Variants in ANKRD13C observed in about 807,000 individuals in gnomAD.
ANKRD13C encodes ankyrin repeat domain-containing protein 13C.
ANKRD13C carries 16 observed loss-of-function variants against 65.5 expected under a neutral mutation model. The observed-to-expected ratio is 0.24, with a 90% CI of 0.17 to 0.37. ANKRD13C has a LOEUF of 0.37. Among genes scored for constraint, ANKRD13C ranks in the 10% least tolerant of loss-of-function variants. The pLI, the probability that ANKRD13C is intolerant of heterozygous loss-of-function variation, is 1.00. For missense variants in ANKRD13C, 503 were observed against 655.9 expected, an observed-to-expected ratio of 0.77 and a Z score of 2.55; for synonymous variants, 235 against 238.7, an observed-to-expected ratio of 0.98 and a Z score of 0.14.
At chr1:70,306,047 A>G in intron 6 of ANKRD13C, 177 bp downstream of exon 6, 1 of 350,888 alleles carries the variant, frequency 2.8e-6, no homozygotes, top group Admixed American at 4.7e-5. Flanking sequence ...TAAAAAAATA[A>G]AAAAAGGTTC....
At chr1:70,264,763 C>A (rs1411480405) in intron 12 of ANKRD13C, among the ~76,000 whole-genome samples, 2 of 152,062 alleles carry the variant, frequency 1.3e-5, no homozygotes, top group Middle Eastern at 3.4e-3. Context: ...GAGGGTCAGA[C>A]AACAAATAAA....
Position 70,354,627 on chromosome 1 carries a change from T to A in ANKRD13C, c.-219A>T. The A allele has an allele frequency of 8.8e-7, 1 of 1,131,936 alleles. No individual in the cohort carries two copies. Among genetic ancestry groups the A allele is most frequent in the Non-Finnish European group, 1.2e-6 (1 of 824,886 alleles). 70.1% of individuals were successfully genotyped at this position (1,131,936 alleles called of 1,614,324 possible). A position where few individuals can be genotyped will look rare whatever the true frequency, so the allele number is the denominator to read the frequency against. On this transcript the variant is annotated 5_prime_UTR_variant, in exon 1 of 13. Transcript: ENST00000370944. Reference sequence around the variant, plus strand: ...CGCGCTCGCTGGGGGAAGCTAGAACTCAGGTGCCCACGACACCAGGATCTC... The same window carrying A: ...CGCGCTCGCTGGGGGAAGCTAGAACACAGGTGCCCACGACACCAGGATCTC...
At chr1:70,326,326 T>C (rs1287951112) in intron 2 of ANKRD13C, among the ~76,000 whole-genome samples, 1 of 149,332 alleles carries the variant, frequency 6.7e-6, no homozygotes, top group Admixed American at 6.7e-5. Context: ...ATGTCCATTA[T>C]ATGCAATTTC....
chr1:70,296,634 C>T (rs2101302151), intron 7 of ANKRD13C, among the ~76,000 whole-genome samples: 1 of 152,058 alleles, frequency 6.6e-6, no homozygotes, highest in Admixed American at 6.6e-5. Flanking sequence ...GAGAAAAAAA[C>T]CCAGATAAAG....
rs568491980 is a variant in ANKRD13C, at chr1:70,288,559, A to G, written c.1215+3829T>C. 2.6e-5 allele frequency among the ~76,000 whole-genome samples: 4 copies of G among 152,392 alleles called. No homozygotes were observed. In the East Asian group the frequency reaches 5.8e-4, roughly 22 times the overall value. On this transcript the variant is annotated intron_variant, in intron 9 of 12. Coordinates refer to ENST00000370944, the MANE Select transcript of ANKRD13C (RefSeq NM_030816.5). ...CCATGAAATACTACTCAACAAAAAA[A>G]GAACAAACTATTGATACATACAACT...
At chr1:70,307,533 CCAG>C (rs1680639052) in intron 5 of ANKRD13C, among the ~76,000 whole-genome samples, 1 of 152,150 alleles carries the variant, frequency 6.6e-6, no homozygotes, top group African/African-American at 2.4e-5. Context: ...AAAATGACTT[CCAG>C]CACTGAAAAC....
chr1:70,329,065 C>A (rs1295035012), intron 2 of ANKRD13C, among the ~76,000 whole-genome samples: 1 of 149,376 alleles, frequency 6.7e-6, no homozygotes, highest in East Asian at 2.0e-4. Flanking sequence ...TGAAAACAAA[C>A]AAAGTCCCTG....
intron 11 of ANKRD13C, among the ~76,000 whole-genome samples, chr1:70,271,408 A>G (rs946257337): frequency 2.0e-5 from 3 of 152,194 alleles, no homozygotes; most frequent in Admixed American, 2.0e-4. Context: ...TTAGCATTCT[A>G]TATCATATTA....
intron 5 of ANKRD13C, among the ~76,000 whole-genome samples, chr1:70,310,401 A>C (rs1382753979): frequency 6.6e-6 from 1 of 152,238 alleles, no homozygotes; most frequent in East Asian, 1.9e-4. Context: ...AGAATTATAC[A>C]TGACATCTAA....
chr1:70,285,816 G>T (rs532827255), intron 9 of ANKRD13C, among the ~76,000 whole-genome samples: 2 of 151,642 alleles, frequency 1.3e-5, no homozygotes, highest in South Asian at 2.1e-4. Context: ...GTAGAGACAG[G>T]GTTTCAGCAT....
At chr1:70,303,374 G>A (rs1256471544) in intron 6 of ANKRD13C, among the ~76,000 whole-genome samples, 2 of 152,082 alleles carry the variant, frequency 1.3e-5, no homozygotes, top group Non-Finnish European at 2.9e-5. Flanking sequence ...TTATACAAAT[G>A]CAAAGATTTG....
At chr1:70,341,208 A>C (rs1682292714) in intron 1 of ANKRD13C, among the ~76,000 whole-genome samples, 1 of 152,102 alleles carries the variant, frequency 6.6e-6, no homozygotes, top group Non-Finnish European at 1.5e-5. Context: ...TCAACTTTTT[A>C]ACGTCCTGAT....
At chr1:70,347,413 C>T (rs906971619) in intron 1 of ANKRD13C, among the ~76,000 whole-genome samples, 2 of 152,296 alleles carry the variant, frequency 1.3e-5, no homozygotes, top group East Asian at 3.9e-4. Context: ...ATGGCATTAA[C>T]TTGGGGCAGC....
At chr1:70,300,628 C>G in intron 7 of ANKRD13C, 136 bp downstream of exon 7, 1 of 735,252 alleles carries the variant, frequency 1.4e-6, no homozygotes, top group Non-Finnish European at 2.0e-6. Flanking sequence ...AGCTAGTGGT[C>G]AGGAAACTAT....
intron 2 of ANKRD13C, among the ~76,000 whole-genome samples, chr1:70,334,265 G>A (rs574965755): frequency 3.3e-5 from 5 of 151,966 alleles, no homozygotes; most frequent in Non-Finnish European, 5.9e-5. Flanking sequence ...GTTTGAAGCC[G>A]CAGTGAGCTA....
chr1:70,329,066 A>G (rs1216769731), intron 2 of ANKRD13C, among the ~76,000 whole-genome samples: 1 of 150,706 alleles, frequency 6.6e-6, no homozygotes, highest in Non-Finnish European at 1.5e-5. Context: ...GAAAACAAAC[A>G]AAGTCCCTGT....
intron 9 of ANKRD13C, among the ~76,000 whole-genome samples, chr1:70,289,712 G>A (rs886963566): frequency 5.3e-5 from 8 of 150,676 alleles, no homozygotes; most frequent in South Asian, 2.1e-4. Flanking sequence ...TCCTGACCTC[G>A]TGATCCACCC....
At chr1:70,318,590 C>T (rs754726041) in intron 3 of ANKRD13C, among the ~76,000 whole-genome samples, 8 of 151,582 alleles carry the variant, frequency 5.3e-5, no homozygotes, top group Admixed American at 2.6e-4. Flanking sequence ...AAATCACCAT[C>T]AATCCATAAT....
At chr1:70,310,253 C>T (rs1268448994) in intron 5 of ANKRD13C, among the ~76,000 whole-genome samples, 1 of 152,110 alleles carries the variant, frequency 6.6e-6, no homozygotes, top group Non-Finnish European at 1.5e-5. Context: ...TCTTGGCTTC[C>T]CCTTATTTTT....
Sources: gnomAD v4.1 joint callset for allele counts (sites outside exome capture counted in the v4.1 genomes callset) on GRCh38, gnomAD v4.1.1 for gene constraint, MANE v1.5 for transcripts, NCBI Gene and HGNC (gene_info 2026-07-23, HGNC 2026-07-21) for gene names.